Variants in PDE10A observed in about 807,000 individuals in gnomAD.
PDE10A encodes the protein phosphodiesterase 10A.
Under a neutral mutation model 97.7 loss-of-function variants are expected in PDE10A, and 39 were observed. That is an observed-to-expected ratio of 0.40 (90% CI 0.31 to 0.52). The LOEUF (loss-of-function observed/expected upper bound fraction) is 0.52, where lower values mean the gene tolerates loss of function less well. PDE10A is among the 20% of genes least tolerant of loss of function. PDE10A has a pLI of 0.56. For synonymous variants in PDE10A, 371 were observed against 376.8 expected, an observed-to-expected ratio of 0.98 and a Z score of 0.18; for missense variants, 731 against 1,047.8, an observed-to-expected ratio of 0.70 and a Z score of 4.17.
intron 1 of PDE10A, among the ~76,000 whole-genome samples, chr6:165,925,258 G>A (rs1400865107): frequency 6.6e-6 from 1 of 152,180 alleles, no homozygotes; most frequent in African/African-American, 2.4e-5. Context: ...AAATGGTGGT[G>A]GGGTGAAGAG....
chr6:165,916,121 A>C (rs777769896), intron 1 of PDE10A, among the ~76,000 whole-genome samples: 3 of 152,246 alleles, frequency 2.0e-5, no homozygotes, highest in African/African-American at 4.8e-5. Flanking sequence ...CATTAATTTC[A>C]GAGTGTGTAA....
chr6:165,380,186 A>G (rs1389260423), intron 17 of PDE10A, among the ~76,000 whole-genome samples: 1 of 152,240 alleles, frequency 6.6e-6, no homozygotes, highest in East Asian at 1.9e-4. Flanking sequence ...AAAAAGTTTG[A>G]GATAATTAAG....
At chr6:165,695,381 T>C (rs1285807572) in intron 1 of PDE10A, among the ~76,000 whole-genome samples, 4 of 152,188 alleles carry the variant, frequency 2.6e-5, no homozygotes, top group Non-Finnish European at 5.9e-5. Flanking sequence ...TGCACCTCTG[T>C]TCCCTTCTCC....
In PDE10A at chr6:165,661,386, C is replaced by T. The variant is rs1322950274; in HGVS notation, c.865+561G>A. ...GCCAGTCCATGCTCTGGATGCCGGTCACTGCGCGGGGTGGGAGGCCGGGCG... is the reference window on the plus strand; with the variant it reads ...GCCAGTCCATGCTCTGGATGCCGGTTACTGCGCGGGGTGGGAGGCCGGGCG... On this transcript the variant is annotated intron_variant, in intron 1 of 21. Coordinates refer to ENST00000539869, the MANE Select transcript of PDE10A (RefSeq NM_001385079.1). The surrounding 1 kb of genome is among the most constrained non-coding windows in gnomAD (Gnocchi z 4.8). 1 of 152,366 alleles carries T rather than the reference C, an allele frequency of 6.6e-6. No individual in the cohort carries two copies. The highest frequency in any genetic ancestry group is 2.4e-5 in the African/African-American group (1 of 41,454). 9.4% of individuals were successfully genotyped at this position (152,366 alleles called of 1,614,324 possible).
intron 1 of PDE10A, among the ~76,000 whole-genome samples, chr6:165,957,021 G>A (rs1451843693): frequency 2.0e-5 from 3 of 152,162 alleles, no homozygotes; most frequent in Non-Finnish European, 4.4e-5. Flanking sequence ...TGCTGGCCAG[G>A]CTTCAGGGGA....
intron 2 of PDE10A, among the ~76,000 whole-genome samples, chr6:165,540,929 G>T (rs893884841): frequency 6.6e-6 from 1 of 152,034 alleles, no homozygotes; most frequent in Non-Finnish European, 1.5e-5. Flanking sequence ...CACGCCCAGA[G>T]AACAGGACAT....
At chr6:165,574,893 C>T (rs1437834192) in intron 1 of PDE10A, among the ~76,000 whole-genome samples, 1 of 152,192 alleles carries the variant, frequency 6.6e-6, no homozygotes, top group Non-Finnish European at 1.5e-5. Flanking sequence ...CCTGCTACTC[C>T]TCTATGTGGG....
At chr6:165,367,637 G>T (rs954244769) in intron 18 of PDE10A, among the ~76,000 whole-genome samples, 3 of 141,830 alleles carry the variant, frequency 2.1e-5, no homozygotes, top group African/African-American at 8.3e-5. Context: ...AACAACAACT[G>T]CTGACTTTTC....
At chr6:165,588,985 C>T (rs1371986706) in intron 1 of PDE10A, among the ~76,000 whole-genome samples, 1 of 152,126 alleles carries the variant, frequency 6.6e-6, no homozygotes, top group Non-Finnish European at 1.5e-5. Flanking sequence ...AAATATTCTA[C>T]CACCCAATGA....
At chr6:165,694,110 A>C (rs575984381) in intron 1 of PDE10A, among the ~76,000 whole-genome samples, 1 of 152,346 alleles carries the variant, frequency 6.6e-6, no homozygotes, top group African/African-American at 2.4e-5. Context: ...CTGTAAGTGT[A>C]ACATAATTTG....
intron 1 of PDE10A, among the ~76,000 whole-genome samples, chr6:165,580,437 C>T (rs933987309): frequency 3.3e-5 from 5 of 152,164 alleles, no homozygotes; most frequent in African/African-American, 1.2e-4. Context: ...AGAAATGAGG[C>T]TGGTTTTTGT....
intron 1 of PDE10A, among the ~76,000 whole-genome samples, chr6:165,938,428 A>T (rs1332933936): frequency 6.6e-6 from 1 of 152,238 alleles, no homozygotes; most frequent in South Asian, 2.1e-4. Context: ...TATCCATGTT[A>T]TACATGCAAT....
At position 165,975,131 on chromosome 6, in the gene PDE10A, G is replaced by A. The variant is rs1328889915; in HGVS notation, c.-615+12398C>T. Among the ~76,000 whole-genome samples the A allele has an allele frequency of 2.6e-5, 4 of 152,186 alleles. No homozygotes were observed. The East Asian group carries it at 7.7e-4, about 29-fold the overall frequency. Reference sequence around the variant, plus strand: ...CTCCTCTGCTGTGGCCTCTCCCCAAGACTTGCTGATAAACCGCCTTTCACT... The same window carrying A: ...CTCCTCTGCTGTGGCCTCTCCCCAAAACTTGCTGATAAACCGCCTTTCACT... On this transcript the variant is annotated intron_variant, in intron 1 of 19. Transcript: ENST00000366882.
chr6:165,616,826 C>T (rs1235200298), intron 1 of PDE10A, among the ~76,000 whole-genome samples: 1 of 152,056 alleles, frequency 6.6e-6, no homozygotes, highest in Non-Finnish European at 1.5e-5. Flanking sequence ...ACACTGTGCA[C>T]CACCAGTTTT....
intron 1 of PDE10A, among the ~76,000 whole-genome samples, chr6:165,588,242 C>T: frequency 6.7e-6 from 1 of 148,870 alleles, no homozygotes; most frequent in Non-Finnish European, 1.5e-5. Context: ...TGGTAGTAAA[C>T]TGCTGGAGAG....
intron 1 of PDE10A, among the ~76,000 whole-genome samples, chr6:165,597,790 C>CAT (rs770354535): frequency 3.3e-5 from 5 of 152,210 alleles, no homozygotes; most frequent in Non-Finnish European, 7.3e-5. Flanking sequence ...CAGGTTTACT[C>CAT]ACAGTTTTTG....
Position 165,508,099 on chromosome 6 carries a change from A to G in PDE10A, c.995-25756T>C, listed in dbSNP as rs182661179. 4.4e-3 allele frequency among the ~76,000 whole-genome samples: 667 copies of G among 152,124 alleles called. 3 individuals carry two copies. The highest frequency in any genetic ancestry group is 0.011 in the South Asian group (54 of 4,814). On this transcript the variant is annotated intron_variant, in intron 2 of 21. Coordinates refer to ENST00000539869, the MANE Select transcript of PDE10A (RefSeq NM_001385079.1). Reference sequence around the variant, plus strand: ...GATTTTATGAATGTATACTTGACAAAACGACACGTACATATTTAAAGTTAA... The same window carrying G: ...GATTTTATGAATGTATACTTGACAAGACGACACGTACATATTTAAAGTTAA...
chr6:165,878,033 G>A (rs1050929254), intron 1 of PDE10A, among the ~76,000 whole-genome samples: 2 of 152,146 alleles, frequency 1.3e-5, no homozygotes, highest in Admixed American at 1.3e-4. Flanking sequence ...TAAACAGATT[G>A]ATGATCAAGG....
chr6:165,615,580 G>C (rs1162694171), intron 1 of PDE10A, among the ~76,000 whole-genome samples: 2 of 152,154 alleles, frequency 1.3e-5, no homozygotes, highest in Non-Finnish European at 2.9e-5. Flanking sequence ...AGATTTGTGA[G>C]TCTGAGGTTC....
Sources: allele counts gnomAD v4.1 joint callset (sites outside exome capture counted in the v4.1 genomes callset), GRCh38; gene constraint gnomAD v4.1.1; non-coding constraint Gnocchi (gnomAD v3.1); transcripts MANE v1.5; gene names NCBI Gene and HGNC (gene_info 2026-07-23, HGNC 2026-07-21).